CCDC112: variants seen among roughly 807,000 people sequenced by gnomAD.
The protein encoded by CCDC112 is coiled-coil domain containing 112.
CCDC112 carries 40 observed loss-of-function variants against 66.3 expected under a neutral mutation model. That is an observed-to-expected ratio of 0.60 (90% confidence interval 0.47 to 0.79). The LOEUF (loss-of-function observed/expected upper bound fraction) is 0.79, where lower values mean the gene tolerates loss of function less well. Ranked by LOEUF, CCDC112 falls within the 30% of genes least tolerant of loss-of-function variation. The pLI, the probability that CCDC112 is intolerant of heterozygous loss-of-function variation, is 0.00. For missense variants in CCDC112, 659 were observed against 603.8 expected (o/e 1.09, Z -0.96); for synonymous variants, 214 against 197.2 (o/e 1.09, Z -0.71).
intron 4 of CCDC112, among the ~76,000 whole-genome samples, chr5:115,276,414 A>G (rs1174862242): frequency 6.6e-6 from 1 of 152,174 alleles, no homozygotes; most frequent in African/African-American, 2.4e-5. Context: ...GAGACCTTTA[A>G]TTTGTTGCTT....
chr5:115,269,850 T>G (rs1382909171), intron 7 of CCDC112, 52 bp from the exon 8 acceptor site: 1 of 1,178,058 alleles, frequency 8.5e-7, no homozygotes, highest in East Asian at 2.5e-5. Context: ...TAGAATTTGT[T>G]CAAAATTTAG....
At chr5:115,272,022 T>A (rs1229810230) in intron 6 of CCDC112, among the ~76,000 whole-genome samples, 1 of 151,762 alleles carries the variant, frequency 6.6e-6, no homozygotes, top group Non-Finnish European at 1.5e-5. Flanking sequence ...CCTCCCAGGT[T>A]CAAGTGATTC....
rs1561493512 is a variant in CCDC112, at chr5:115,271,641, T to A, written c.919-15A>T. The A allele has an allele frequency of 1.4e-6, 2 of 1,469,532 alleles. No individual in the cohort carries two copies. The highest frequency in any genetic ancestry group is 1.5e-5 in the South Asian group (1 of 66,788). The allele number at this position is 1,469,532 out of a possible 1,614,324, so 91.0% of individuals were successfully genotyped here. A position where few individuals can be genotyped will look rare whatever the true frequency, so the allele number is the denominator to read the frequency against. ...ATCTGAATTGACTAAATGATTTTTT[T>A]AAAAAAAGAAAGCAAGAGAAAAAAG... On this transcript the variant is annotated splice_polypyrimidine_tract_variant and intron_variant, in intron 6 of 9. Transcript: ENST00000379611.
At chr5:115,286,533 T>C (rs914485304) in intron 1 of CCDC112, among the ~76,000 whole-genome samples, 3 of 152,214 alleles carry the variant, frequency 2.0e-5, no homozygotes, top group African/African-American at 7.2e-5. Context: ...TGAATGCATG[T>C]TTTCAATTCT....
In CCDC112 at chr5:115,279,636, A is replaced by T. The variant is rs1749361789; in HGVS notation, c.361+11T>A. The stretch of plus-strand genomic sequence containing the variant: ...CTCAACAGTTTTTAGTTCATCACAA[A>T]CTCAACTTACTTTCTGTTTTCCTGC... On this transcript the variant is annotated intron_variant, in intron 3 of 9. Coordinates refer to ENST00000379611, the MANE Select transcript of CCDC112 (RefSeq NM_001040440.3). The T allele has an allele frequency of 1.2e-6, 2 of 1,609,740 alleles. No homozygotes were observed. The highest frequency in any genetic ancestry group is 1.7e-5 in the Admixed American group (1 of 59,912).
At chr5:115,268,792 A>G in intron 9 of CCDC112, 90 bp downstream of exon 9, 1 of 493,972 alleles carries the variant, frequency 2.0e-6, no homozygotes, top group South Asian at 5.6e-5. Flanking sequence ...TATATATATG[A>G]AAAATATAAT....
chr5:115,275,084 A>G (rs879223471), intron 6 of CCDC112, 132 bp downstream of exon 6: 3 of 707,182 alleles, frequency 4.2e-6, no homozygotes, highest in South Asian at 4.4e-5. Context: ...ATCTTCTATT[A>G]GATTGTCGGG....
At chr5:115,284,986 A>G (rs1749616516) in intron 1 of CCDC112, 78 bp from the exon 2 acceptor site, 18 of 1,358,670 alleles carry the variant, frequency 1.3e-5, no homozygotes, top group Non-Finnish European at 3.1e-6. Flanking sequence ...GAGAGATAAA[A>G]TGTCAATAGT....
Position 115,296,647 on chromosome 5 carries a change from G to C in CCDC112, c.-104C>G, listed in dbSNP as rs888446227. ...GACAGCTCCCTGCGCTGCGGGCTTGGCCGGGATGCAGGGCGGGGCCGAGAT... is the reference window on the plus strand; with the variant it reads ...GACAGCTCCCTGCGCTGCGGGCTTGCCCGGGATGCAGGGCGGGGCCGAGAT... On this transcript the variant is annotated 5_prime_UTR_variant, in exon 1 of 10. Transcript: ENST00000379611. 1.6e-6 allele frequency: 2 copies of C among 1,284,324 alleles called. No individual in the cohort carries two copies. The highest frequency in any genetic ancestry group is 2.0e-6 in the Non-Finnish European group (2 of 1,001,514). 79.6% of individuals were successfully genotyped at this position (1,284,324 alleles called of 1,614,324 possible).
intron 3 of CCDC112, among the ~76,000 whole-genome samples, chr5:115,277,433 A>G (rs903796085): frequency 6.6e-6 from 1 of 152,180 alleles, no homozygotes; most frequent in African/African-American, 2.4e-5. Flanking sequence ...ATGGAAATAG[A>G]ATTTGGTCTT....
chr5:115,276,025 T>C lies in CCDC112; in HGVS notation c.496A>G (p.Ile166Val), dbSNP rs745512998. 1 of 1,606,960 alleles carries C rather than the reference T, an allele frequency of 6.2e-7. No homozygotes were observed. Among genetic ancestry groups the C allele is most frequent in the Non-Finnish European group, 8.5e-7 (1 of 1,176,390 alleles). ...REMMEEIENA[I>V]NTFKEEQRLI... ...CTCTGCTCTTCTTTAAAAGTGTTAA[T>C]TGCATTTTCAATTTCTTCCATCATT... Residue 166 changes from isoleucine (I) to valine (V), a missense_variant, in exon 5 of 10, where the codon ATT (isoleucine) becomes GTT (valine). By Grantham distance (29) the Ile-to-Val change is conservative (BLOSUM62 3). Coordinates refer to ENST00000379611, the MANE Select transcript of CCDC112 (RefSeq NM_001040440.3).
At chr5:115,274,421 T>G (rs1332264305) in intron 6 of CCDC112, among the ~76,000 whole-genome samples, 2 of 152,190 alleles carry the variant, frequency 1.3e-5, no homozygotes, top group Admixed American at 1.3e-4. Context: ...TTTTTTTTTC[T>G]GGGGTAGCTA....
chr5:115,271,922 C>CTTTTT (rs34279929), intron 6 of CCDC112, among the ~76,000 whole-genome samples: 3 of 131,924 alleles, frequency 2.3e-5, no homozygotes, highest in Admixed American at 7.9e-5. Context: ...TTTACTGCTT[C>CTTTTT]TTTTTTTTTT....
intron 1 of CCDC112, among the ~76,000 whole-genome samples, chr5:115,285,322 T>C (rs1749631191): frequency 6.6e-6 from 1 of 151,946 alleles, no homozygotes; most frequent in South Asian, 2.1e-4. Context: ...AGCAATAAAA[T>C]GAAAACTCCA....
intron 3 of CCDC112, among the ~76,000 whole-genome samples, chr5:115,279,189 G>C (rs1749335098): frequency 6.6e-6 from 1 of 152,076 alleles, no homozygotes. Flanking sequence ...AGGAAACTCA[G>C]GTTTATGCAA....
At chr5:115,292,069 T>C (rs1749956554) in intron 1 of CCDC112, among the ~76,000 whole-genome samples, 1 of 152,210 alleles carries the variant, frequency 6.6e-6, no homozygotes, top group Non-Finnish European at 1.5e-5. Context: ...TCTATTATTC[T>C]TCAAATATCG....
rs1021774961 is a variant in CCDC112, at chr5:115,268,481, G to A, written c.1547+401C>T. Among the ~76,000 whole-genome samples the A allele has an allele frequency of 9.2e-5, 14 of 151,658 alleles. No individual in the cohort carries two copies. In the East Asian group the frequency reaches 1.9e-3, roughly 21 times the overall value. ...AGAGATGGGGTTTCACTATGTTGGC[G>A]AGGCTGGTCTCAAACTCCTGACTTC... On this transcript the variant is annotated intron_variant, in intron 9 of 9. Coordinates refer to ENST00000379611, the MANE Select transcript of CCDC112 (RefSeq NM_001040440.3).
At chr5:115,287,276 A>G (rs1749714539) in intron 1 of CCDC112, among the ~76,000 whole-genome samples, 2 of 152,206 alleles carry the variant, frequency 1.3e-5, no homozygotes, top group South Asian at 4.1e-4. Context: ...ATAATGACTA[A>G]TGATGTTGAG....
chr5:115,295,867 C>G, intron 1 of CCDC112: 1 of 984,508 alleles, frequency 1.0e-6, no homozygotes, highest in Non-Finnish European at 1.2e-6. Context: ...TTAGGGAGAT[C>G]ATGGAAAGTC....
Sources: gnomAD v4.1 joint callset for allele counts (sites outside exome capture counted in the v4.1 genomes callset) on GRCh38, gnomAD v4.1.1 for gene constraint, MANE v1.5 for transcripts, NCBI Gene and HGNC (gene_info 2026-07-23, HGNC 2026-07-21) for gene names.